GALNT9: variants seen among roughly 807,000 people sequenced by gnomAD.
GALNT9 encodes the protein polypeptide N-acetylgalactosaminyltransferase 9, also known as GalNAc transferase 9.
Under a neutral mutation model 63.1 loss-of-function variants are expected in GALNT9, and 47 were observed. That is an observed-to-expected ratio of 0.75 (90% confidence interval 0.59 to 0.95). GALNT9 has a LOEUF of 0.95. Ranked by LOEUF, GALNT9 falls within the 40% of genes least tolerant of loss-of-function variation. The pLI is 0.00. For missense variants in GALNT9, 829 were observed against 874.8 expected (o/e 0.95, Z 0.66); for synonymous variants, 396 against 365.7 (o/e 1.08, Z -0.94).
chr12:132,251,612 G>T (rs189770841), intron 5 of GALNT9, among the ~76,000 whole-genome samples: 51 of 152,368 alleles, frequency 3.3e-4, no homozygotes, highest in African/African-American at 1.2e-3. Flanking sequence ...ACAGCACCCT[G>T]TTCTTTGTTC....
chr12:132,271,791 G>A lies in GALNT9; in HGVS notation c.420-9166C>T, dbSNP rs868939050. Reference sequence around the variant, plus strand: ...AGGGCCCCAAGGCGAGCAGAGCCCCGCACAGAACGTGCAGGGAGGCTCCCA... The same window carrying A: ...AGGGCCCCAAGGCGAGCAGAGCCCCACACAGAACGTGCAGGGAGGCTCCCA... On this transcript the variant is annotated intron_variant, in intron 2 of 10. Transcript: ENST00000328957. Among the ~76,000 whole-genome samples the A allele has an allele frequency of 1.2e-4, 18 of 152,240 alleles. 1 individual carries two copies. The highest frequency in any genetic ancestry group is 3.6e-4 in the African/African-American group (15 of 41,560).
intron 6 of GALNT9, among the ~76,000 whole-genome samples, chr12:132,227,025 T>TACAC (rs1239552205): frequency 6.8e-6 from 1 of 146,808 alleles, no homozygotes; most frequent in Non-Finnish European, 1.5e-5. Flanking sequence ...ATACACCCCA[T>TACAC]ACACACACAC....
In GALNT9 at chr12:132,319,637, A is replaced by AGG. The variant is rs1868688670; in HGVS notation, c.238+9328_238+9329insCC. On this transcript the variant is annotated intron_variant, in intron 1 of 10. Coordinates refer to ENST00000328957, the MANE Select transcript of GALNT9 (RefSeq NM_001122636.2). This position sits in a 1 kb window ranked among gnomAD's most constrained non-coding sequence, Gnocchi z 5.2. Reference sequence around the variant, plus strand: ...TCGGGAGAGCCCTGACGCACACACTAGCTGAGTTTGCTTTTCAACAGGCCT... The same window carrying AGG: ...TCGGGAGAGCCCTGACGCACACACTAGGGCTGAGTTTGCTTTTCAACAGGCCT... 6.6e-6 allele frequency among the ~76,000 whole-genome samples: 1 copy of AGG among 151,930 alleles called. No individual in the cohort carries two copies. The highest frequency in any genetic ancestry group is 6.5e-5 in the Admixed American group (1 of 15,268).
intron 6 of GALNT9, among the ~76,000 whole-genome samples, chr12:132,208,313 C>A (rs1399226782): frequency 6.6e-6 from 1 of 152,238 alleles, no homozygotes; most frequent in Non-Finnish European, 1.5e-5. Flanking sequence ...CCTGGCCACA[C>A]TAGAGGAAGA....
At chr12:132,262,429 G>A (rs1304957536) in intron 3 of GALNT9, 30 bp downstream of exon 3, 54 of 1,536,356 alleles carry the variant, frequency 3.5e-5, no homozygotes, top group Non-Finnish European at 4.6e-5. Flanking sequence ...GCCGCCCGGC[G>A]AGCACCGTGC....
intron 6 of GALNT9, among the ~76,000 whole-genome samples, chr12:132,241,732 A>C (rs1383085452): frequency 1.5e-4 from 12 of 82,728 alleles, no homozygotes; most frequent in East Asian, 4.1e-4. Context: ...CCCTCCCTAT[A>C]CCCATTACAC....
intron 6 of GALNT9, among the ~76,000 whole-genome samples, chr12:132,241,011 T>C (rs1256950338): frequency 7.5e-6 from 1 of 133,044 alleles, no homozygotes; most frequent in African/African-American, 2.9e-5. Context: ...GCCCTCCCTA[T>C]ACCCATTACA....
At chr12:132,229,617 G>A (rs1389094778) in intron 6 of GALNT9, among the ~76,000 whole-genome samples, 4 of 152,342 alleles carry the variant, frequency 2.6e-5, no homozygotes, top group Admixed American at 1.3e-4. Flanking sequence ...GAGAGAGGCC[G>A]CCTGTGCCTC....
intron 5 of GALNT9, among the ~76,000 whole-genome samples, chr12:132,253,764 G>A (rs1879011296): frequency 6.6e-6 from 1 of 152,156 alleles, no homozygotes; most frequent in Non-Finnish European, 1.5e-5. Context: ...GGTTATCCCT[G>A]CACCTAAAGT....
At chr12:132,311,769 T>C (rs1458281132) in intron 1 of GALNT9, among the ~76,000 whole-genome samples, 2 of 152,030 alleles carry the variant, frequency 1.3e-5, no homozygotes, top group African/African-American at 4.8e-5. Context: ...CTTCCGGCAA[T>C]CCAGGCCCTG....
chr12:132,301,527 C>T (rs1239857258), intron 1 of GALNT9, among the ~76,000 whole-genome samples: 1 of 152,272 alleles, frequency 6.6e-6, no homozygotes, highest in Non-Finnish European at 1.5e-5. Flanking sequence ...CATCGTCGGC[C>T]CCTGCCCCTC....
At chr12:132,277,226 A>G (rs781845113) in intron 2 of GALNT9, 15 of 154,724 alleles carry the variant, frequency 9.7e-5, no homozygotes, top group Middle Eastern at 1.0e-3. Context: ...TTAATCATCC[A>G]TGGACGCTTG....
intron 6 of GALNT9, among the ~76,000 whole-genome samples, chr12:132,210,833 C>CGCCGTCTGGAGGTT (rs1328871145): frequency 1.8e-5 from 2 of 111,358 alleles, no homozygotes; most frequent in Admixed American, 1.7e-4. Context: ...GTCTGGAGGT[C>CGCCGTCTGGAGGTT]GCCGTCTGGA....
intron 1 of GALNT9, among the ~76,000 whole-genome samples, chr12:132,292,828 T>G (rs1227346327): frequency 6.6e-6 from 1 of 152,148 alleles, no homozygotes; most frequent in African/African-American, 2.4e-5. Context: ...GGACCACCGT[T>G]GTTCGGTGGA....
At chr12:132,266,151 C>T (rs912669707) in intron 2 of GALNT9, among the ~76,000 whole-genome samples, 12 of 149,906 alleles carry the variant, frequency 8.0e-5, no homozygotes, top group East Asian at 5.8e-4. Flanking sequence ...TGCCTTTACA[C>T]GCCTGACCTC....
chr12:132,218,481 G>A (rs1026487986), intron 6 of GALNT9, among the ~76,000 whole-genome samples: 2 of 152,238 alleles, frequency 1.3e-5, no homozygotes. Flanking sequence ...ACCTTTGAGA[G>A]ATTTCATTGA....
intron 6 of GALNT9, among the ~76,000 whole-genome samples, chr12:132,223,178 G>C (rs1249220778): frequency 8.9e-3 from 78 of 8,760 alleles, no homozygotes; most frequent in East Asian, 0.017. Flanking sequence ...AACCCACACC[G>C]CACACAACCC....
At chr12:132,201,606 T>C (rs1002750988) in intron 7 of GALNT9, among the ~76,000 whole-genome samples, 9 of 151,594 alleles carry the variant, frequency 5.9e-5, no homozygotes, top group Admixed American at 1.3e-4. Flanking sequence ...GGCATCAGCC[T>C]GACCTCTGGA....
rs996388601 is a variant in GALNT9, at chr12:132,204,984, C to T, written c.1078-1294G>A. On this transcript the variant is annotated intron_variant, in intron 6 of 10. Transcript: ENST00000328957. ...AGGGTGGGCAGCCCTGGCATTGCCC[C>T]GTTCCCTCCGCGGTGCTGAGAAGGT... is the stretch of plus-strand genomic sequence containing the variant. 1.3e-4 allele frequency among the ~76,000 whole-genome samples: 20 copies of T among 152,086 alleles called. No homozygotes were observed. In the East Asian group the frequency reaches 3.1e-3, roughly 24 times the overall value.
Sources: gnomAD v4.1 joint callset for allele counts (sites outside exome capture counted in the v4.1 genomes callset) on GRCh38, gnomAD v4.1.1 for gene constraint, Gnocchi (gnomAD v3.1) non-coding constraint, MANE v1.5 for transcripts, NCBI Gene and HGNC (gene_info 2026-07-23, HGNC 2026-07-21) for gene names.